Variants in IL17REL observed in about 807,000 individuals in gnomAD.
IL17REL encodes interleukin-17 receptor E-like protein.
Under a neutral mutation model 49.0 loss-of-function variants are expected in IL17REL, and 36 were observed. That is an observed-to-expected ratio of 0.73 (90% confidence interval 0.56 to 0.97). IL17REL has a LOEUF of 0.97. IL17REL is among the 50% of genes least tolerant of loss of function. The pLI is 0.00. For synonymous variants in IL17REL, 206 were observed against 192.4 expected (o/e 1.07, Z -0.58); for missense variants, 470 against 453.9 (o/e 1.04, Z -0.32).
intron 7 of IL17REL, among the ~76,000 whole-genome samples, chr22:49,998,698 GGT>G (rs1210052376): frequency 2.0e-5 from 3 of 149,682 alleles, no homozygotes; most frequent in African/African-American, 4.9e-5. Flanking sequence ...CCTGTGCATG[GGT>G]GTGTGTGCAT....
chr22:50,000,420 C>T, intron 4 of IL17REL, 58 bp downstream of exon 5: 3 of 1,355,268 alleles, frequency 2.2e-6, no homozygotes, highest in Non-Finnish European at 3.2e-6. Flanking sequence ...AGTCCCACCC[C>T]AAGCCAGGCC....
intron 1 of IL17REL, among the ~76,000 whole-genome samples, chr22:50,003,247 G>A (rs1318931996): frequency 1.3e-5 from 2 of 152,092 alleles, no homozygotes; most frequent in Non-Finnish European, 1.5e-5. Flanking sequence ...GGAGTGGGCC[G>A]GGCGGGGCTC....
chr22:50,006,693 C>T (rs1026104029), intron 1 of IL17REL, among the ~76,000 whole-genome samples: 1 of 152,072 alleles, frequency 6.6e-6, no homozygotes, highest in African/African-American at 2.4e-5. Flanking sequence ...GTGGCTCACG[C>T]CTGTAATCCC....
At chr22:50,002,150 G>A (rs1048832667) in intron 1 of IL17REL, among the ~76,000 whole-genome samples, 4 of 152,224 alleles carry the variant, frequency 2.6e-5, no homozygotes, top group African/African-American at 7.2e-5. Context: ...GTTGCAGGCC[G>A]ATCCTCCACA....
chr22:50,001,101 G>A (rs757922708), exon 2 of IL17REL: 40 of 1,594,020 alleles, frequency 2.5e-5, no homozygotes, highest in South Asian at 3.4e-5. Context: ...TGATGGAGGC[G>A]CGTACACGCA....
chr22:50,001,306 G>A, intron 1 of IL17REL, 75 bp from the exon 3 acceptor site: 1 of 650,412 alleles, frequency 1.5e-6, no homozygotes, highest in Non-Finnish European at 2.7e-6. Context: ...TTCTGGGAAG[G>A]GGGAGAGAGC....
At chr22:49,997,225 G>T in intron 11 of IL17REL, 95 bp downstream of exon 13, 1 of 1,444,998 alleles carries the variant, frequency 6.9e-7, no homozygotes, top group Admixed American at 1.9e-5. Context: ...TGGGCTCAGG[G>T]CCCGGGTGGG....
intron 7 of IL17REL, 67 bp downstream of exon 9, chr22:49,999,224 C>T: frequency 1.3e-6 from 2 of 1,573,232 alleles, no homozygotes; most frequent in Non-Finnish European, 1.7e-6. Flanking sequence ...CGTCAGTCCT[C>T]ATGGTGGAGT....
exon 8 of IL17REL, chr22:49,998,280 T>C (rs1273386207): frequency 6.2e-7 from 1 of 1,610,470 alleles, no homozygotes; most frequent in South Asian, 1.1e-5. Flanking sequence ...TAGTAGACCG[T>C]GTCCCACAGC....
exon 11 of IL17REL, chr22:49,997,365 A>G: frequency 1.2e-6 from 2 of 1,613,852 alleles, no homozygotes; most frequent in Non-Finnish European, 1.7e-6. Flanking sequence ...GTTGGCAGGC[A>G]GGGAGCTGTG....
chr22:50,009,272 A>C (rs1416771865), upstream of IL17REL, among the ~76,000 whole-genome samples: 1 of 152,010 alleles, frequency 6.6e-6, no homozygotes, highest in Non-Finnish European at 1.5e-5. Flanking sequence ...GTCCAGGTCC[A>C]AGCTGCACTC....
exon 13 of IL17REL, chr22:49,996,773 T>A: frequency 2.0e-6 from 1 of 490,302 alleles, no homozygotes; most frequent in East Asian, 3.5e-5. Flanking sequence ...GTCCTCGGCC[T>A]CCTGCGGCCC....
At chr22:49,991,814 G>A (rs188770788), downstream of IL17REL, among the ~76,000 whole-genome samples, 7 of 152,272 alleles carry the variant, frequency 4.6e-5, no homozygotes, top group East Asian at 9.6e-4. Flanking sequence ...ACAAGTGTCC[G>A]TCAATTCAGG....
chr22:50,004,667 C>A (rs2061098815), intron 1 of IL17REL, among the ~76,000 whole-genome samples: 1 of 151,872 alleles, frequency 6.6e-6, no homozygotes, highest in East Asian at 1.9e-4. Flanking sequence ...TCGAGACCAG[C>A]CTGGCCAACA....
At chr22:49,998,508 G>T (rs894021309) in intron 7 of IL17REL, among the ~76,000 whole-genome samples, 199 bp from the exon 10 acceptor site, 1 of 152,086 alleles carries the variant, frequency 6.6e-6, no homozygotes, top group Non-Finnish European at 1.5e-5. Flanking sequence ...GCATGGGTGC[G>T]TGCGCCTATG....
At chr22:49,993,217 G>A (rs2061014931), downstream of IL17REL, among the ~76,000 whole-genome samples, 1 of 152,210 alleles carries the variant, frequency 6.6e-6, no homozygotes, top group Non-Finnish European at 1.5e-5. This position sits in a 1 kb window ranked among gnomAD's most constrained non-coding sequence, Gnocchi z 6.0. Flanking sequence ...GGGGCCCAGG[G>A]CCCAAGGCCT....
chr22:49,999,432 T>C (rs762726616), exon 6 of IL17REL: 2 of 1,612,174 alleles, frequency 1.2e-6, no homozygotes, highest in Non-Finnish European at 8.5e-7. Flanking sequence ...TCCACCGACC[T>C]CCAGGCACAG....
intron 9 of IL17REL, 60 bp from the exon 12 acceptor site, chr22:49,997,802 A>G: frequency 6.4e-7 from 1 of 1,551,606 alleles, no homozygotes. Context: ...GGGCAGGGAC[A>G]GGGGCAGGGA....
In IL17REL at chr22:49,997,149, C is replaced by A. The variant is rs956689393; in HGVS notation, c.975-75G>T. On this transcript the variant is annotated intron_variant, in intron 11 of 12. Coordinates refer to ENST00000341280, the Ensembl canonical transcript of IL17REL. ...GCTAAACACTGTCCTTCTCCCACAT[C>A]CTCTCAGCACCCACAAAGCAGGGCT... is the stretch of plus-strand genomic sequence containing the variant. The A allele has an allele frequency of 2.1e-6, 3 of 1,444,954 alleles. No individual in the cohort carries two copies. The African/African-American group carries it at 4.2e-5, about 20-fold the overall frequency. The allele number at this position is 1,444,954 out of a possible 1,614,324, so 89.5% of individuals were successfully genotyped here. A position where few individuals can be genotyped will look rare whatever the true frequency, so the allele number is the denominator to read the frequency against.
Sources: allele counts gnomAD v4.1 joint callset (sites outside exome capture counted in the v4.1 genomes callset), GRCh38; gene constraint gnomAD v4.1.1; non-coding constraint Gnocchi (gnomAD v3.1); transcripts MANE v1.5; gene names NCBI Gene and HGNC (gene_info 2026-07-23, HGNC 2026-07-21).